CTNNA2: variants seen among roughly 807,000 people sequenced by gnomAD.
CTNNA2 encodes catenin alpha 2.
CTNNA2 carries 42 observed loss-of-function variants against 101.0 expected under a neutral mutation model. The ratio of observed to expected loss-of-function variants is 0.42; its 90% CI spans 0.32 to 0.54. The LOEUF (loss-of-function observed/expected upper bound fraction) is 0.54, where lower values mean the gene tolerates loss of function less well. CTNNA2 is among the 20% of genes least tolerant of loss of function. The pLI is 0.14. For missense variants in CTNNA2, 871 were observed against 1,223.1 expected (o/e 0.71, Z 4.29); for synonymous variants, 450 against 456.4 (o/e 0.99, Z 0.18).
Position 80,333,370 on chromosome 2 carries a change from A to G in CTNNA2, c.1057-59841A>G, listed in dbSNP as rs568566674. 5.9e-5 allele frequency among the ~76,000 whole-genome samples: 9 copies of G among 152,306 alleles called. No homozygotes were observed. In the South Asian group the frequency reaches 1.7e-3, roughly 28 times the overall value. ...TTGGGCTTTGTGGGTGATTGAAGAG[A>G]TGAATTCAATCTGGTGTCTGCTCTA... On this transcript the variant is annotated intron_variant, in intron 7 of 18. Transcript: ENST00000402739.
At chr2:80,615,042 A>T (rs1698741184) in intron 17 of CTNNA2, among the ~76,000 whole-genome samples, 1 of 151,448 alleles carries the variant, frequency 6.6e-6, no homozygotes, top group South Asian at 2.1e-4. Flanking sequence ...TCTGTTGAAG[A>T]AAAAAGTTGA....
rs148920710 is a variant in CTNNA2 at position 80,505,589 on chromosome 2, T to C, written c.1291-39393T>C. 1.2e-4 allele frequency among the ~76,000 whole-genome samples: 18 copies of C among 152,296 alleles called. No individual in the cohort carries two copies. The East Asian group carries it at 3.5e-3, about 29-fold the overall frequency. On this transcript the variant is annotated intron_variant, in intron 9 of 18. Coordinates refer to ENST00000402739, the MANE Select transcript of CTNNA2 (RefSeq NM_001282597.3). ...TGGTTTATATCAGCAGTGTGGTGGA[T>C]GAAGGGGAACATGAATTAGGGGTGA... is the stretch of plus-strand genomic sequence containing the variant.
intron 7 of CTNNA2, among the ~76,000 whole-genome samples, chr2:80,236,168 T>C (rs989393499): frequency 6.6e-6 from 1 of 152,210 alleles, no homozygotes; most frequent in Non-Finnish European, 1.5e-5. Context: ...TGTGTAGTAT[T>C]CCATGGTTTA....
chr2:79,758,597 T>C (rs1475887736), intron 3 of CTNNA2, among the ~76,000 whole-genome samples: 2 of 152,100 alleles, frequency 1.3e-5, no homozygotes, highest in African/African-American at 4.8e-5. Context: ...GCCCCCTCCT[T>C]CCTTTCCTCT....
chr2:80,283,376 G>C (rs527604279), intron 7 of CTNNA2, among the ~76,000 whole-genome samples: 2 of 151,950 alleles, frequency 1.3e-5, no homozygotes, highest in Non-Finnish European at 2.9e-5. Context: ...ACACTGATTC[G>C]ATCATTACAA....
rs1558697896 is a variant in CTNNA2 at position 79,982,327 on chromosome 2, AC to A, written c.1056+72531del. Among the ~76,000 whole-genome samples the A allele has an allele frequency of 5.5e-3, 738 of 135,270 alleles. 12 individuals are homozygous for A. Among genetic ancestry groups the A allele is most frequent in the African/African-American group, 0.02 (657 of 33,604 alleles). 88.7% of individuals were successfully genotyped at this position (135,270 alleles called of 152,430 possible). On this transcript the variant is annotated intron_variant, in intron 7 of 18. Coordinates refer to ENST00000402739, the MANE Select transcript of CTNNA2 (RefSeq NM_001282597.3). The stretch of plus-strand genomic sequence containing the variant: ...ATAAAACATATATAACATATATAAC[AC>A]ACATATAAAACATATATAACCTATA...
At chr2:80,231,120 C>T (rs867163659) in intron 7 of CTNNA2, among the ~76,000 whole-genome samples, 7 of 152,142 alleles carry the variant, frequency 4.6e-5, no homozygotes, top group Non-Finnish European at 8.8e-5. Context: ...GACAGGCATG[C>T]ACTACCATCC....
chr2:80,328,903 A>G (rs1388942626), intron 7 of CTNNA2, among the ~76,000 whole-genome samples: 1 of 152,202 alleles, frequency 6.6e-6, no homozygotes, highest in African/African-American at 2.4e-5. Flanking sequence ...TTGATCTGCA[A>G]TGCCAATATG....
intron 4 of CTNNA2, among the ~76,000 whole-genome samples, chr2:79,395,859 G>C (rs1336485581): frequency 6.6e-6 from 1 of 152,114 alleles, no homozygotes; most frequent in Non-Finnish European, 1.5e-5. Flanking sequence ...CTGGAGTGCT[G>C]TCTGTGAAAT....
intron 7 of CTNNA2, among the ~76,000 whole-genome samples, chr2:80,342,195 A>C (rs557000847): frequency 6.6e-6 from 1 of 152,332 alleles, no homozygotes; most frequent in East Asian, 1.9e-4. Context: ...GAGAGTGCTG[A>C]TGGTTGCACA....
intron 7 of CTNNA2, among the ~76,000 whole-genome samples, chr2:80,307,687 T>C: frequency 6.6e-6 from 1 of 152,200 alleles, no homozygotes; most frequent in Non-Finnish European, 1.5e-5. Context: ...AGATGCTTTA[T>C]ATGCTTTGAA....
intron 7 of CTNNA2, among the ~76,000 whole-genome samples, chr2:79,968,734 T>A (rs1690261236): frequency 6.6e-6 from 1 of 152,090 alleles, no homozygotes; most frequent in Non-Finnish European, 1.5e-5. Flanking sequence ...TGACAAAAAT[T>A]CCATTTCGTA....
At chr2:80,193,954 G>A (rs1174284335) in intron 7 of CTNNA2, among the ~76,000 whole-genome samples, 1 of 151,898 alleles carries the variant, frequency 6.6e-6, no homozygotes, top group Non-Finnish European at 1.5e-5. Flanking sequence ...GAGGGACCAG[G>A]GACTTTAATT....
At chr2:80,155,041 G>T (rs1703927441) in intron 7 of CTNNA2, among the ~76,000 whole-genome samples, 2 of 152,166 alleles carry the variant, frequency 1.3e-5, no homozygotes, top group Admixed American at 6.5e-5. Context: ...ACTCTGTTTT[G>T]CATTTCCTGG....
chr2:80,619,154 A>G lies in CTNNA2; in HGVS notation c.2500A>G (p.Ser834Gly). 6.4e-7 allele frequency: 1 copy of G among 1,570,228 alleles called. No individual in the cohort carries two copies. Among genetic ancestry groups the G allele is most frequent in the Non-Finnish European group, 8.6e-7 (1 of 1,156,944 alleles). The change falls in exon 18 of 19, where the codon AGT becomes GGT. Residue 834 changes from serine (S) to glycine (G), a missense_variant. Ser to Gly is a moderately conservative substitution (Grantham distance 56). Coordinates refer to ENST00000402739, the MANE Select transcript of CTNNA2 (RefSeq NM_001282597.3). The stretch of plus-strand genomic sequence containing the variant: ...TGATGTCATAGATGGGGGCAGGGCT[A>G]GTCAACTTTCTACCCACCTCCCAAC... ...DCDVIDGGRA[S>G]QLSTHLPTCA...
intron 3 of CTNNA2, among the ~76,000 whole-genome samples, chr2:79,776,048 A>G (rs1190408597): frequency 1.3e-5 from 2 of 152,170 alleles, no homozygotes; most frequent in Non-Finnish European, 2.9e-5. Context: ...CTCCTCCCTT[A>G]TGAGCTGCAG....
chr2:79,411,669 A>T (rs1235103711), intron 4 of CTNNA2, among the ~76,000 whole-genome samples: 2 of 152,226 alleles, frequency 1.3e-5, no homozygotes, highest in East Asian at 3.9e-4. Flanking sequence ...AAGGAGAAAT[A>T]AAATACTTTA....
Position 79,479,376 on chromosome 2 carries a change from C to T in CTNNA2, c.-134-25678C>T, listed in dbSNP as rs564318175. Among the ~76,000 whole-genome samples, 48 of 152,246 alleles carry T rather than the reference C, an allele frequency of 3.2e-4. No homozygotes were observed. In the South Asian group the frequency reaches 5.8e-3, roughly 18 times the overall value. On this transcript the variant is annotated intron_variant, in intron 4 of 21. Transcript: ENST00000466387. The stretch of plus-strand genomic sequence containing the variant: ...TTGACTCAATGTGAAGCATTTAAGA[C>T]GTTTTAAAGTATATTTTCACCTGAA...
At chr2:79,674,271 T>C (rs2104601953) in intron 2 of CTNNA2, among the ~76,000 whole-genome samples, 1 of 152,314 alleles carries the variant, frequency 6.6e-6, no homozygotes, top group Admixed American at 6.5e-5. Flanking sequence ...GATATTGAGC[T>C]GGGCCTTGAG....
Sources: allele counts gnomAD v4.1 joint callset (sites outside exome capture counted in the v4.1 genomes callset), GRCh38; gene constraint gnomAD v4.1.1; transcripts MANE v1.5; gene names NCBI Gene and HGNC (gene_info 2026-07-23, HGNC 2026-07-21).